The following RAP1GDS1 variants were observed in gnomAD, a reference collection of about 807,000 sequenced individuals.
RAP1GDS1 encodes Rap1 GTPase-GDP dissociation stimulator 1, also known as RAP1, GTP-GDP dissociation stimulator 1.
Under a neutral mutation model 71.1 loss-of-function variants are expected in RAP1GDS1, and 35 were observed. That is an observed-to-expected ratio of 0.49 (90% CI 0.38 to 0.65). RAP1GDS1 has a LOEUF of 0.65. Among genes scored for constraint, RAP1GDS1 ranks in the 30% least tolerant of loss-of-function variants. The pLI, the probability that RAP1GDS1 is intolerant of heterozygous loss-of-function variation, is 0.00. For synonymous variants in RAP1GDS1, 229 were observed against 243.1 expected, an observed-to-expected ratio of 0.94 and a Z score of 0.54; for missense variants, 663 against 706.1, an observed-to-expected ratio of 0.94 and a Z score of 0.69.
chr4:98,325,114 C>T (rs1255474786), intron 2 of RAP1GDS1, among the ~76,000 whole-genome samples: 1 of 151,596 alleles, frequency 6.6e-6, no homozygotes, highest in East Asian at 1.9e-4. Flanking sequence ...GGGCGAAGGA[C>T]ATGAACAGAC....
chr4:98,375,234 A>T (rs1040473220), intron 4 of RAP1GDS1, among the ~76,000 whole-genome samples: 1 of 152,058 alleles, frequency 6.6e-6, no homozygotes, highest in Non-Finnish European at 1.5e-5. Flanking sequence ...GCATAATTCT[A>T]ATCCCTGCCT....
chr4:98,392,147 A>C (rs1743795714), intron 6 of RAP1GDS1, 67 bp downstream of exon 6: 16 of 1,393,678 alleles, frequency 1.1e-5, no homozygotes, highest in African/African-American at 2.9e-5. Flanking sequence ...ATTTTTCTGT[A>C]GATATTAAGA....
chr4:98,443,015 A>ATTTTTTTTTTT lies in RAP1GDS1; in HGVS notation c.*911_*921dup, dbSNP rs397994660. 2.0e-4 allele frequency: 28 copies of ATTTTTTTTTTT among 138,300 alleles called. No individual in the cohort carries two copies. The highest frequency in any genetic ancestry group is 6.7e-4 in the African/African-American group (17 of 25,340). The allele number at this position is 138,300 out of a possible 1,614,324, so 8.6% of individuals were successfully genotyped here. A position where few individuals can be genotyped will look rare whatever the true frequency, so the allele number is the denominator to read the frequency against. On this transcript the variant is annotated 3_prime_UTR_variant, in exon 15 of 15. Coordinates refer to ENST00000408927, the MANE Select transcript of RAP1GDS1 (RefSeq NM_001100427.2). Reference sequence around the variant, plus strand: ...TGAGTATAGTTCATTGAAGAATGGAATTTTTTTTTTTTTTTTTTTTTTTGC... The same window carrying ATTTTTTTTTTT: ...TGAGTATAGTTCATTGAAGAATGGAATTTTTTTTTTTTTTTTTTTTTTTTTTTTTTTTTTGC...
intron 2 of RAP1GDS1, among the ~76,000 whole-genome samples, chr4:98,308,431 C>T (rs901986177): frequency 6.7e-6 from 1 of 149,344 alleles, no homozygotes; most frequent in Non-Finnish European, 1.5e-5. Flanking sequence ...GATTGTGCCA[C>T]TGCACTCTAG....
At chr4:98,361,203 TCA>T (rs200383311) in intron 4 of RAP1GDS1, among the ~76,000 whole-genome samples, 6 of 151,754 alleles carry the variant, frequency 4.0e-5, no homozygotes, top group African/African-American at 9.7e-5. Context: ...GCATTTGCTC[TCA>T]CACACACACA....
At chr4:98,373,128 T>C (rs1740644365) in intron 4 of RAP1GDS1, among the ~76,000 whole-genome samples, 1 of 152,276 alleles carries the variant, frequency 6.6e-6, no homozygotes, top group Non-Finnish European at 1.5e-5. Flanking sequence ...GAAAAACTTT[T>C]ACTAACATTT....
At chr4:98,289,665 C>G (rs768326668) in intron 1 of RAP1GDS1, among the ~76,000 whole-genome samples, 10 of 151,188 alleles carry the variant, frequency 6.6e-5, no homozygotes, top group Non-Finnish European at 1.3e-4. Context: ...GACATGCTAA[C>G]AGAAACTACT....
chr4:98,369,210 G>T (rs1739990344), intron 4 of RAP1GDS1, among the ~76,000 whole-genome samples: 1 of 152,164 alleles, frequency 6.6e-6, no homozygotes, highest in Non-Finnish European at 1.5e-5. Context: ...GACACGTGGG[G>T]ATTGTGGGAG....
intron 1 of RAP1GDS1, among the ~76,000 whole-genome samples, chr4:98,271,565 TGTAAA>T (rs1259690121): frequency 1.3e-5 from 2 of 152,096 alleles, no homozygotes; most frequent in Non-Finnish European, 2.9e-5. Flanking sequence ...AATAGTAAAA[TGTAAA>T]GTAAGTAGTG....
At chr4:98,275,152 C>G (rs1006884471) in intron 1 of RAP1GDS1, among the ~76,000 whole-genome samples, 1 of 151,946 alleles carries the variant, frequency 6.6e-6, no homozygotes, top group Non-Finnish European at 1.5e-5. Flanking sequence ...AGTGCTTAGT[C>G]TGGTAGTATC....
At chr4:98,292,217 C>T (rs918960877) in intron 1 of RAP1GDS1, among the ~76,000 whole-genome samples, 1 of 151,574 alleles carries the variant, frequency 6.6e-6, no homozygotes, top group East Asian at 1.9e-4. Flanking sequence ...GACTCAAACT[C>T]CTCAGGCTTA....
intron 2 of RAP1GDS1, among the ~76,000 whole-genome samples, chr4:98,338,111 A>G (rs1270049375): frequency 1.3e-5 from 2 of 152,148 alleles, no homozygotes; most frequent in Non-Finnish European, 2.9e-5. Context: ...TAGAAAGGAA[A>G]AAGATAGATG....
chr4:98,441,590 G>A lies in RAP1GDS1; in HGVS notation c.1697-400G>A, dbSNP rs573679945. 1.2e-4 allele frequency: 114 copies of A among 984,888 alleles called. No homozygotes were observed. In the African/African-American group the frequency reaches 1.9e-3, roughly 16 times the overall value. The allele number at this position is 984,888 out of a possible 1,614,324, so 61.0% of individuals were successfully genotyped here. ...TTAATCTTACATTGTAGAACTTGAC[G>A]TCTCGTTTTTCTTTTTAAAAATTGG... is the stretch of plus-strand genomic sequence containing the variant. On this transcript the variant is annotated intron_variant, in intron 14 of 14. Transcript: ENST00000408927.
chr4:98,420,254 T>C (rs914201497), intron 11 of RAP1GDS1, 110 bp downstream of exon 11: 11 of 1,097,374 alleles, frequency 1.0e-5, no homozygotes, highest in Admixed American at 6.6e-5. Flanking sequence ...TCATAAAAAA[T>C]AGCAAATAAA....
At chr4:98,294,840 A>G (rs763932848) in intron 2 of RAP1GDS1, among the ~76,000 whole-genome samples, 5 of 152,150 alleles carry the variant, frequency 3.3e-5, no homozygotes, top group Non-Finnish European at 7.4e-5. Context: ...ATGTGCCTGT[A>G]TAGGCAGCTT....
intron 6 of RAP1GDS1, 32 bp downstream of exon 6, chr4:98,392,112 T>TAAC: frequency 6.3e-7 from 1 of 1,582,060 alleles, no homozygotes; most frequent in Non-Finnish European, 8.6e-7. Flanking sequence ...CAAATGTAAT[T>TAAC]AACTTATTAA....
chr4:98,435,184 A>G (rs907867621), intron 13 of RAP1GDS1, among the ~76,000 whole-genome samples: 9 of 151,404 alleles, frequency 5.9e-5, no homozygotes, highest in African/African-American at 2.2e-4. Context: ...ATTCCCACTG[A>G]CAACTTAGAT....
chr4:98,326,398 C>G (rs1332387985), intron 2 of RAP1GDS1, among the ~76,000 whole-genome samples: 2 of 152,126 alleles, frequency 1.3e-5, no homozygotes, highest in East Asian at 1.9e-4. Context: ...CTTCCCCATT[C>G]TCAACCCCTT....
chr4:98,307,461 T>C (rs2110310227), intron 2 of RAP1GDS1, among the ~76,000 whole-genome samples: 1 of 152,278 alleles, frequency 6.6e-6, no homozygotes, highest in Non-Finnish European at 1.5e-5. Flanking sequence ...TAAATTAATT[T>C]GGGGAGAATT....
Sources: gnomAD v4.1 joint callset for allele counts (sites outside exome capture counted in the v4.1 genomes callset) on GRCh38, gnomAD v4.1.1 for gene constraint, MANE v1.5 for transcripts, NCBI Gene and HGNC (gene_info 2026-07-23, HGNC 2026-07-21) for gene names.